The following NEK1 variants were observed in gnomAD, a reference collection of about 807,000 sequenced individuals.
The protein encoded by NEK1 is NIMA related kinase 1.
Under a neutral mutation model 182.1 loss-of-function variants are expected in NEK1, and 137 were observed. The observed-to-expected ratio is 0.75, with a 90% CI of 0.65 to 0.87. The LOEUF is 0.87. NEK1 is among the 40% of genes least tolerant of loss of function. The pLI, the probability that NEK1 is intolerant of heterozygous loss-of-function variation, is 0.00. For missense variants in NEK1, 1,391 were observed against 1,494.4 expected, an observed-to-expected ratio of 0.93 and a Z score of 1.14; for synonymous variants, 513 against 492.2, an observed-to-expected ratio of 1.04 and a Z score of -0.56.
intron 18 of NEK1, chr4:169,553,896 G>T (rs1318478132): frequency 6.6e-6 from 1 of 152,296 alleles, no homozygotes; most frequent in East Asian, 1.9e-4. Flanking sequence ...TGGCAGGAAC[G>T]CATAATGGTA....
chr4:169,428,757 G>A (rs1736882177), intron 29 of NEK1, among the ~76,000 whole-genome samples: 1 of 152,000 alleles, frequency 6.6e-6, no homozygotes, highest in Non-Finnish European at 1.5e-5. Context: ...GTTCCTTTCA[G>A]GACTCCTAAC....
chr4:169,414,132 AT>A (rs1212319387), intron 31 of NEK1, among the ~76,000 whole-genome samples: 1 of 152,244 alleles, frequency 6.6e-6, no homozygotes, highest in Non-Finnish European at 1.5e-5. Flanking sequence ...TACACTAATA[AT>A]TAGTATACTT....
intron 12 of NEK1, among the ~76,000 whole-genome samples, chr4:169,567,027 T>C (rs190036556): frequency 4.6e-5 from 7 of 151,886 alleles, no homozygotes; most frequent in South Asian, 2.1e-4. Context: ...GAGGTGGAGG[T>C]TGTAGTGAGC....
intron 31 of NEK1, among the ~76,000 whole-genome samples, chr4:169,410,569 G>T (rs954796850): frequency 6.6e-6 from 1 of 152,088 alleles, no homozygotes; most frequent in African/African-American, 2.4e-5. Context: ...TGCTCTCTAA[G>T]AATAACCACT....
Position 169,424,665 on chromosome 4 carries a change from G to A in NEK1, c.3110C>T (p.Pro1037Leu). Residue 1037 changes from proline to leucine, a missense_variant, in exon 31 of 36, where the codon CCA becomes CTA. By Grantham distance (98) the Pro-to-Leu change is moderately conservative. Around this residue, in one of 5 missense-constraint regions of NEK1, gnomAD observed 1,216 missense variants for 1,277.6 expected, o/e 0.95. Transcript: ENST00000507142. The stretch of plus-strand genomic sequence containing the variant: ...AGATCGAAATGCAAAGGATTCTTCT[G>A]GTGAACACTGAACTGATTGAACTTG... ...VPQVQSVQCS[P>L]EESFAFRSHS... 6.2e-7 allele frequency: 1 copy of A among 1,613,730 alleles called. No individual in the cohort carries two copies.
At chr4:169,550,729 T>C (rs140697538) in intron 18 of NEK1, among the ~76,000 whole-genome samples, 21 of 152,352 alleles carry the variant, frequency 1.4e-4, no homozygotes, top group African/African-American at 4.8e-4. Flanking sequence ...TCATTAACAC[T>C]GAATTCATGG....
In NEK1 at chr4:169,612,544, G is replaced by A. The variant is rs1384520146; in HGVS notation, c.-495C>T. On this transcript the variant is annotated 5_prime_UTR_variant, in exon 1 of 36. Coordinates refer to ENST00000507142, the MANE Select transcript of NEK1 (RefSeq NM_001199397.3). The stretch of plus-strand genomic sequence containing the variant: ...GCTCGAGAGGCCAGGGTAGGGTAAG[G>A]ACTCCGCAACCTAGGGTCCCAAAAC... The A allele has an allele frequency of 6.6e-6, 1 of 152,170 alleles. No homozygotes were observed. Among genetic ancestry groups the A allele is most frequent in the Non-Finnish European group, 1.5e-5 (1 of 68,110 alleles). 9.4% of individuals were successfully genotyped at this position (152,170 alleles called of 1,614,324 possible).
At chr4:169,463,185 T>C (rs572368860) in intron 27 of NEK1, 58 bp downstream of exon 27, 2 of 937,062 alleles carry the variant, frequency 2.1e-6, no homozygotes, top group South Asian at 3.8e-5. Flanking sequence ...TTAAAATACA[T>C]AATTAGATTT....
chr4:169,606,666 T>C (rs1185863728), intron 2 of NEK1, among the ~76,000 whole-genome samples: 3 of 152,168 alleles, frequency 2.0e-5, no homozygotes, highest in African/African-American at 7.2e-5. Flanking sequence ...ATCTCTAGAT[T>C]GGGTACACCA....
intron 10 of NEK1, among the ~76,000 whole-genome samples, 175 bp downstream of exon 10, chr4:169,585,174 G>C (rs1011686841): frequency 6.6e-6 from 1 of 152,092 alleles, no homozygotes; most frequent in African/African-American, 2.4e-5. Flanking sequence ...GCACAACAGA[G>C]CAATACTCTG....
chr4:169,543,287 G>C (rs1020275866), intron 18 of NEK1, among the ~76,000 whole-genome samples: 8 of 152,318 alleles, frequency 5.3e-5, no homozygotes, highest in Non-Finnish European at 8.8e-5. Flanking sequence ...TTAAAGAGCA[G>C]ATGGTTGTAG....
intron 12 of NEK1, among the ~76,000 whole-genome samples, chr4:169,565,093 TCTTA>T (rs1449164273): frequency 6.6e-6 from 1 of 152,184 alleles, no homozygotes. Context: ...TCAATTCAAC[TCTTA>T]CTTAAGCTAA....
intron 12 of NEK1, among the ~76,000 whole-genome samples, chr4:169,569,634 GGC>G (rs2149992999): frequency 6.6e-6 from 1 of 152,258 alleles, no homozygotes; most frequent in Non-Finnish European, 1.5e-5. Context: ...TGCGATTGCA[GGC>G]GCGCGCCACC....
chr4:169,570,588 G>T (rs541000026), intron 12 of NEK1, among the ~76,000 whole-genome samples: 1 of 151,220 alleles, frequency 6.6e-6, no homozygotes, highest in African/African-American at 2.4e-5. Context: ...CAGCCGCCCC[G>T]TCCAGGAGGT....
chr4:169,581,931 G>A (rs1394261334), intron 10 of NEK1, among the ~76,000 whole-genome samples: 1 of 151,840 alleles, frequency 6.6e-6, no homozygotes, highest in Non-Finnish European at 1.5e-5. Flanking sequence ...TTCAACAAAT[G>A]TACCCATTTA....
rs763700100 is a variant in NEK1 at position 169,561,679 on chromosome 4, C to T, written c.1191+8G>A. ...GAAAAAAGTATATTTAATAGATTATCCTCTTACCCTTTCCTTTTCTTGCCT... is the reference window on the plus strand; with the variant it reads ...GAAAAAAGTATATTTAATAGATTATTCTCTTACCCTTTCCTTTTCTTGCCT... On this transcript the variant is annotated splice_region_variant and intron_variant, in intron 15 of 35. Coordinates refer to ENST00000507142, the MANE Select transcript of NEK1 (RefSeq NM_001199397.3). The T allele has an allele frequency of 1.3e-6, 2 of 1,565,670 alleles. No homozygotes were observed. Among genetic ancestry groups the T allele is most frequent in the African/African-American group, 1.4e-5 (1 of 73,234 alleles).
intron 11 of NEK1, among the ~76,000 whole-genome samples, chr4:169,579,833 A>G (rs1165487451): frequency 6.6e-6 from 1 of 151,948 alleles, no homozygotes; most frequent in African/African-American, 2.4e-5. Flanking sequence ...CCTTCCTGAG[A>G]ACGCACTGTC....
intron 12 of NEK1, among the ~76,000 whole-genome samples, chr4:169,570,507 G>C (rs1407530959): frequency 1.3e-5 from 2 of 150,278 alleles, no homozygotes; most frequent in African/African-American, 2.5e-5. Flanking sequence ...AGGGAGGTGG[G>C]GGGGTCAGCC....
intron 19 of NEK1, among the ~76,000 whole-genome samples, chr4:169,524,134 A>G (rs1346793142): frequency 6.6e-6 from 1 of 152,218 alleles, no homozygotes; most frequent in African/African-American, 2.4e-5. Flanking sequence ...CTAAATAATT[A>G]CTGTCAGGAG....
Sources: allele counts gnomAD v4.1 joint callset (sites outside exome capture counted in the v4.1 genomes callset), GRCh38; gene constraint gnomAD v4.1.1; regional missense constraint gnomAD v4.1.1; transcripts MANE v1.5; gene names NCBI Gene and HGNC (gene_info 2026-07-23, HGNC 2026-07-21).